Variants in CRTC3 observed in about 807,000 individuals in gnomAD.
CRTC3 encodes the protein CREB-regulated transcription coactivator 3.
Under a neutral mutation model 74.5 loss-of-function variants are expected in CRTC3, and 26 were observed. That is an observed-to-expected ratio of 0.35 (90% CI 0.26 to 0.48). The LOEUF (loss-of-function observed/expected upper bound fraction) is 0.48. Ranked by LOEUF, CRTC3 falls within the 20% of genes least tolerant of loss-of-function variation. The pLI, the probability that CRTC3 is intolerant of heterozygous loss-of-function variation, is 0.99. For synonymous variants in CRTC3, 377 were observed against 325.8 expected (o/e 1.16, Z -1.69); for missense variants, 760 against 787.3 (o/e 0.97, Z 0.41).
chr15:90,546,431 T>C (rs1966844444), intron 2 of CRTC3, among the ~76,000 whole-genome samples: 1 of 152,186 alleles, frequency 6.6e-6, no homozygotes, highest in Admixed American at 6.5e-5. Context: ...TTCTGTGTCA[T>C]TGGTTTCTTT....
chr15:90,588,842 T>C (rs1379273932), intron 2 of CRTC3, among the ~76,000 whole-genome samples: 1 of 152,160 alleles, frequency 6.6e-6, no homozygotes, highest in Non-Finnish European at 1.5e-5. Context: ...CATCCTCCTT[T>C]CCAATGTCCG....
At chr15:90,636,185 C>A (rs895865824) in intron 11 of CRTC3, among the ~76,000 whole-genome samples, 2 of 151,260 alleles carry the variant, frequency 1.3e-5, no homozygotes, top group East Asian at 3.9e-4. Context: ...ACCAAAACAG[C>A]ATGGTACTGG....
intron 11 of CRTC3, among the ~76,000 whole-genome samples, chr15:90,636,915 A>G (rs1969259142): frequency 6.6e-6 from 1 of 152,170 alleles, no homozygotes; most frequent in African/African-American, 2.4e-5. Flanking sequence ...CAGGTGCTGG[A>G]GAGGATGTGG....
rs1227730185 is a variant in CRTC3 at position 90,644,597 on chromosome 15, T to C, written c.*2457T>C. 8.6e-6 allele frequency: 2 copies of C among 232,270 alleles called. No homozygotes were observed. Among genetic ancestry groups the C allele is most frequent in the East Asian group, 1.2e-4 (2 of 16,458 alleles). The allele number at this position is 232,270 out of a possible 1,614,324, so 14.4% of individuals were successfully genotyped here. A position where few individuals can be genotyped will look rare whatever the true frequency, so the allele number is the denominator to read the frequency against. On this transcript the variant is annotated 3_prime_UTR_variant, in exon 15 of 15. Coordinates refer to ENST00000268184, the MANE Select transcript of CRTC3 (RefSeq NM_022769.5). Reference sequence around the variant, plus strand: ...GGGGTGTACACTGGGGGCAATATGGTTTAGCACTGAATTCAATTTGTCCTT... The same window carrying C: ...GGGGTGTACACTGGGGGCAATATGGCTTAGCACTGAATTCAATTTGTCCTT...
intron 9 of CRTC3, chr15:90,625,119 TG>T (rs1319974372): frequency 1.7e-4 from 26 of 152,992 alleles, no homozygotes; most frequent in African/African-American, 6.3e-4. Flanking sequence ...TTTGTTCATT[TG>T]ATTTATAACT....
At chr15:90,560,705 C>T (rs867465388) in intron 2 of CRTC3, among the ~76,000 whole-genome samples, 6 of 152,172 alleles carry the variant, frequency 3.9e-5, no homozygotes, top group African/African-American at 9.7e-5. Context: ...ATGAGAGCAG[C>T]GCCCAGATGC....
In CRTC3 at chr15:90,644,627, C is replaced by T. The variant is rs1386567477; in HGVS notation, c.*2487C>T. On this transcript the variant is annotated 3_prime_UTR_variant, in exon 15 of 15. Transcript: ENST00000268184. ...CACTGAATTCAATTTGTCCTTAGGT[C>T]TATGAGTGAGTCCGATCTTTTCTTG... The T allele has an allele frequency of 4.3e-6, 1 of 232,210 alleles. No homozygotes were observed. 14.4% of individuals were successfully genotyped at this position (232,210 alleles called of 1,614,324 possible). A position where few individuals can be genotyped will look rare whatever the true frequency, so the allele number is the denominator to read the frequency against.
chr15:90,532,604 A>G (rs748061109), intron 1 of CRTC3, among the ~76,000 whole-genome samples: 1 of 152,194 alleles, frequency 6.6e-6, no homozygotes, highest in Non-Finnish European at 1.5e-5. Flanking sequence ...AATCCTTCAG[A>G]GTTGGCCTTA....
In CRTC3 at chr15:90,641,913, C is replaced by T. The variant is rs761847037; in HGVS notation, c.1652-19C>T. The T allele has an allele frequency of 1.1e-5, 18 of 1,611,346 alleles. No individual in the cohort carries two copies. Among genetic ancestry groups the T allele is most frequent in the Non-Finnish European group, 1.4e-5 (17 of 1,178,926 alleles). ...CGCCTCCTAACCGCACTGTTTTCCC[C>T]TCTGGCCACTCCTTTCAGAAGACTC... On this transcript the variant is annotated intron_variant, in intron 14 of 14. Transcript: ENST00000268184.
chr15:90,606,561 C>CA (rs34328473), intron 5 of CRTC3, among the ~76,000 whole-genome samples: 4 of 150,752 alleles, frequency 2.7e-5, no homozygotes, highest in Admixed American at 6.6e-5. Flanking sequence ...GACTCTGTCT[C>CA]AGAAAAAAAT....
At chr15:90,639,137 T>G (rs1218736491) in intron 13 of CRTC3, among the ~76,000 whole-genome samples, 5 of 152,152 alleles carry the variant, frequency 3.3e-5, no homozygotes, top group Non-Finnish European at 7.3e-5. Flanking sequence ...ATGTTGAAAC[T>G]GAGGCATAGG....
chr15:90,569,548 A>T, intron 2 of CRTC3, among the ~76,000 whole-genome samples: 1 of 26,022 alleles, frequency 3.8e-5, no homozygotes, highest in African/African-American at 7.7e-5. Flanking sequence ...CAAACTCCTG[A>T]GACATATACC....
intron 2 of CRTC3, among the ~76,000 whole-genome samples, chr15:90,548,761 A>T (rs4350549): frequency 0.4 from 60,450 of 152,062 alleles, 12,659 homozygotes; most frequent in Non-Finnish European, 0.47. Flanking sequence ...TATGACTTTT[A>T]TGTGATAAAA....
At chr15:90,587,815 T>C (rs2151075809) in intron 2 of CRTC3, among the ~76,000 whole-genome samples, 1 of 152,046 alleles carries the variant, frequency 6.6e-6, no homozygotes, top group East Asian at 2.0e-4. Context: ...GGTTTTGCCA[T>C]ATTGCCAAGG....
chr15:90,608,105 G>C (rs1968272040), intron 6 of CRTC3, among the ~76,000 whole-genome samples: 1 of 152,128 alleles, frequency 6.6e-6, no homozygotes, highest in Non-Finnish European at 1.5e-5. Flanking sequence ...AGGTCGGGCT[G>C]GAACTGTGCA....
intron 2 of CRTC3, among the ~76,000 whole-genome samples, chr15:90,561,293 TC>T (rs1967006168): frequency 6.6e-6 from 1 of 152,236 alleles, no homozygotes. Flanking sequence ...ACCATTTGCC[TC>T]TTTCTTTGCA....
intron 13 of CRTC3, among the ~76,000 whole-genome samples, chr15:90,640,737 C>T (rs1567199137): frequency 2.0e-5 from 3 of 151,928 alleles, no homozygotes; most frequent in Admixed American, 1.3e-4. Flanking sequence ...TGGTTATAGA[C>T]AGAGCCTTTG....
At position 90,545,105 on chromosome 15, in the gene CRTC3, C is replaced by CT. The variant is rs564081518; in HGVS notation, c.231+4974dup. ...ATGAGGGAAATCATATACTATTTGT[C>CT]TTTTTTGTGACTGGCTTGTGCTTAG... On this transcript the variant is annotated intron_variant, in intron 2 of 14. Transcript: ENST00000268184. Among the ~76,000 whole-genome samples, 500 of 152,260 alleles carry CT rather than the reference C, an allele frequency of 3.3e-3. 3 individuals carry two copies. The highest frequency in any genetic ancestry group is 0.012 in the African/African-American group (480 of 41,560).
intron 11 of CRTC3, among the ~76,000 whole-genome samples, chr15:90,630,361 A>G (rs1968992397): frequency 6.6e-6 from 1 of 152,234 alleles, no homozygotes; most frequent in Non-Finnish European, 1.5e-5. Context: ...ATTGTTCATG[A>G]AATGCTAAGT....
Sources: gnomAD v4.1 joint callset for allele counts (sites outside exome capture counted in the v4.1 genomes callset) on GRCh38, gnomAD v4.1.1 for gene constraint, MANE v1.5 for transcripts, NCBI Gene and HGNC (gene_info 2026-07-23, HGNC 2026-07-21) for gene names.